The following SEMA3A variants were observed in gnomAD, a reference collection of about 807,000 sequenced individuals.
SEMA3A encodes semaphorin 3A.
SEMA3A carries 29 observed loss-of-function variants against 97.9 expected under a neutral mutation model. That is an observed-to-expected ratio of 0.30 (90% CI 0.22 to 0.40). The LOEUF is 0.40. Among genes scored for constraint, SEMA3A ranks in the 10% least tolerant of loss-of-function variants. The pLI, the probability that SEMA3A is intolerant of heterozygous loss-of-function variation, is 1.00. For synonymous variants in SEMA3A, 321 were observed against 323.7 expected, an observed-to-expected ratio of 0.99 and a Z score of 0.09; for missense variants, 763 against 951.3, an observed-to-expected ratio of 0.80 and a Z score of 2.60.
Position 84,170,208 on chromosome 7 carries a change from C to T in SEMA3A, c.112+24267G>A, listed in dbSNP as rs542547172. Among the ~76,000 whole-genome samples, 11 of 151,894 alleles carry T rather than the reference C, an allele frequency of 7.2e-5. No individual in the cohort carries two copies. The South Asian group carries it at 1.9e-3, about 26-fold the overall frequency. On this transcript the variant is annotated intron_variant, in intron 1 of 16. Transcript: ENST00000265362. ...GTTACAATGACTCATTATCTTGTAA[C>T]GATAAAAGATTTTAAACACGCGTTG...
rs1788800580 is a variant in SEMA3A at position 83,968,623 on chromosome 7, T to C, written c.1718-5276A>G. On this transcript the variant is annotated intron_variant, in intron 15 of 16. Transcript: ENST00000265362. ...TAAATATTCTTGCCGCATGTCTGTC[T>C]TTGTTCTCTCTCAGTCTTCTTGCTC... 2.0e-5 allele frequency among the ~76,000 whole-genome samples: 3 copies of C among 152,252 alleles called. No homozygotes were observed. In the South Asian group the frequency reaches 6.2e-4, roughly 32 times the overall value.
rs148402643 is a variant in SEMA3A, at chr7:84,172,634, G to A, written c.112+21841C>T. Reference sequence around the variant, plus strand: ...GTAGAGACGGGGTTTCACTCTGTTAGCCAGGATGGTCTCGATCTCCTGACC... The same window carrying A: ...GTAGAGACGGGGTTTCACTCTGTTAACCAGGATGGTCTCGATCTCCTGACC... On this transcript the variant is annotated intron_variant, in intron 1 of 16. Transcript: ENST00000265362. Among the ~76,000 whole-genome samples, 587 of 152,048 alleles carry A rather than the reference G, an allele frequency of 3.9e-3. 3 individuals are homozygous for A. The highest frequency in any genetic ancestry group is 0.013 in the African/African-American group (555 of 41,470).
intron 5 of SEMA3A, among the ~76,000 whole-genome samples, chr7:84,059,111 A>T (rs1289684750): frequency 6.6e-6 from 1 of 152,162 alleles, no homozygotes; most frequent in Non-Finnish European, 1.5e-5. Flanking sequence ...TTCATACAAA[A>T]TATGACTCCT....
intron 2 of SEMA3A, among the ~76,000 whole-genome samples, chr7:84,323,941 A>T (rs1053753850): frequency 1.3e-5 from 2 of 152,202 alleles, no homozygotes; most frequent in African/African-American, 4.8e-5. Context: ...AAATCTGTTT[A>T]TTCTCTTCTA....
intron 1 of SEMA3A, among the ~76,000 whole-genome samples, chr7:84,394,265 T>G (rs1458161969): frequency 2.6e-5 from 4 of 152,104 alleles, no homozygotes; most frequent in Admixed American, 2.6e-4. Context: ...TAGTGAAAAT[T>G]TGTTACTTGC....
rs1788451233 is a variant in SEMA3A at position 83,961,080 on chromosome 7, AAAG to A, written c.*288_*290del. ...CAAATGACATTTTTATTTCTCAGGCAAAGAAGAAAGACAAACCTGTACAGTGAA... is the reference window on the plus strand; with the variant it reads ...CAAATGACATTTTTATTTCTCAGGCAAAGAAAGACAAACCTGTACAGTGAA... On this transcript the variant is annotated 3_prime_UTR_variant, in exon 17 of 17. Transcript: ENST00000265362. 1 of 353,544 alleles carries A rather than the reference AAAG, an allele frequency of 2.8e-6. No homozygotes were observed. The highest frequency in any genetic ancestry group is 6.3e-5 in the East Asian group (1 of 15,842). The allele number at this position is 353,544 out of a possible 1,614,324, so 21.9% of individuals were successfully genotyped here.
intron 4 of SEMA3A, among the ~76,000 whole-genome samples, chr7:84,093,950 C>G (rs1215488051): frequency 6.6e-6 from 1 of 151,458 alleles, no homozygotes; most frequent in African/African-American, 2.4e-5. Context: ...GAAAGGATGC[C>G]AAGGTGGGAG....
chr7:84,037,003 A>G (rs1791963016), intron 6 of SEMA3A, among the ~76,000 whole-genome samples: 1 of 152,110 alleles, frequency 6.6e-6, no homozygotes, highest in Admixed American at 6.6e-5. Flanking sequence ...TGATTTTATT[A>G]AGATGATACA....
intron 3 of SEMA3A, among the ~76,000 whole-genome samples, chr7:84,215,844 A>T (rs1403847920): frequency 6.6e-6 from 1 of 152,178 alleles, no homozygotes; most frequent in Non-Finnish European, 1.5e-5. Context: ...TTTCTAGGTC[A>T]TGTGGAAAAT....
At chr7:83,982,579 T>G (rs1170817168) in intron 13 of SEMA3A, among the ~76,000 whole-genome samples, 2 of 152,146 alleles carry the variant, frequency 1.3e-5, no homozygotes, top group Non-Finnish European at 2.9e-5. Flanking sequence ...AAGTAAAACT[T>G]ACATAAATAC....
intron 3 of SEMA3A, among the ~76,000 whole-genome samples, chr7:84,228,978 T>G (rs983276831): frequency 6.6e-6 from 1 of 152,122 alleles, no homozygotes; most frequent in Admixed American, 6.6e-5. Flanking sequence ...GTGTGCCAGC[T>G]GTTTTCTTCC....
chr7:84,313,989 G>C lies in SEMA3A; in HGVS notation c.-168-6697C>G, dbSNP rs112161866. On this transcript the variant is annotated intron_variant, in intron 2 of 3. Transcript: ENST00000424555. ...ATACAGTTTTACACTTAAAGTAATAGATAAAACTGTGCTCATTGAATGAGT... is the reference window on the plus strand; with the variant it reads ...ATACAGTTTTACACTTAAAGTAATACATAAAACTGTGCTCATTGAATGAGT... Among the ~76,000 whole-genome samples the C allele has an allele frequency of 3.3e-5, 5 of 152,086 alleles. 1 individual carries two copies. The highest frequency in any genetic ancestry group is 1.2e-4 in the African/African-American group (5 of 41,518).
intron 1 of SEMA3A, among the ~76,000 whole-genome samples, chr7:84,147,041 G>A (rs1454212872): frequency 6.6e-6 from 1 of 152,098 alleles, no homozygotes; most frequent in East Asian, 1.9e-4. Context: ...GTTTCAGAGT[G>A]TTCTTCAAAT....
intron 3 of SEMA3A, among the ~76,000 whole-genome samples, chr7:84,200,792 T>C (rs1353020550): frequency 9.2e-6 from 1 of 108,922 alleles, no homozygotes; most frequent in Non-Finnish European, 2.0e-5. Context: ...ACCTGGGTTT[T>C]TTTTCCTTTT....
intron 3 of SEMA3A, among the ~76,000 whole-genome samples, chr7:84,264,094 T>C (rs1374716197): frequency 6.6e-6 from 1 of 152,096 alleles, no homozygotes; most frequent in Non-Finnish European, 1.5e-5. Context: ...TTTACGATAG[T>C]ATATATATTT....
intron 1 of SEMA3A, among the ~76,000 whole-genome samples, chr7:84,376,986 ATTGT>A (rs1345609588): frequency 3.9e-5 from 6 of 151,934 alleles, no homozygotes; most frequent in Non-Finnish European, 8.8e-5. Flanking sequence ...GCTTAACTTT[ATTGT>A]TTCCTTTGCT....
At chr7:84,163,996 C>A (rs1002930529) in intron 1 of SEMA3A, among the ~76,000 whole-genome samples, 12 of 152,044 alleles carry the variant, frequency 7.9e-5, no homozygotes, top group African/African-American at 2.9e-4. Context: ...CAGGCATGTG[C>A]CACCACGCCC....
At chr7:84,048,786 T>C (rs1792468682) in intron 5 of SEMA3A, among the ~76,000 whole-genome samples, 1 of 152,052 alleles carries the variant, frequency 6.6e-6, no homozygotes, top group African/African-American at 2.4e-5. Context: ...ATAATGTAAT[T>C]AATCAATCAT....
upstream of SEMA3A, among the ~76,000 whole-genome samples, chr7:84,197,619 A>G (rs1304434699): frequency 6.6e-6 from 1 of 152,106 alleles, no homozygotes; most frequent in East Asian, 1.9e-4. Context: ...TTATTTCTCA[A>G]CTAAAGTAGA....
Sources: gnomAD v4.1 joint callset for allele counts (sites outside exome capture counted in the v4.1 genomes callset) on GRCh38, gnomAD v4.1.1 for gene constraint, MANE v1.5 for transcripts, NCBI Gene and HGNC (gene_info 2026-07-23, HGNC 2026-07-21) for gene names.